RRAGD: variants seen among roughly 807,000 people sequenced by gnomAD.
RRAGD encodes the protein Ras related GTP binding D.
RRAGD carries 12 observed loss-of-function variants against 35.5 expected under a neutral mutation model. The ratio of observed to expected loss-of-function variants is 0.34; its 90% CI spans 0.22 to 0.55. The LOEUF is 0.55. Ranked by LOEUF, RRAGD falls within the 20% of genes least tolerant of loss-of-function variation. The pLI is 0.91. For synonymous variants in RRAGD, 155 were observed against 178.9 expected, an observed-to-expected ratio of 0.87 and a Z score of 1.07; for missense variants, 324 against 490.1, an observed-to-expected ratio of 0.66 and a Z score of 3.20.
rs1562439057 is a variant in RRAGD at position 89,366,941 on chromosome 6, G to A, written c.*1115C>T. 6.6e-6 allele frequency: 1 copy of A among 152,240 alleles called. No individual in the cohort carries two copies. Among genetic ancestry groups the A allele is most frequent in the African/African-American group, 2.4e-5 (1 of 41,436 alleles). 9.4% of individuals were successfully genotyped at this position (152,240 alleles called of 1,614,324 possible). On this transcript the variant is annotated 3_prime_UTR_variant, in exon 7 of 7. Transcript: ENST00000369415. ...TAAGGTGGGAACAAGTGGAGTACATGAGGCATGTTATCACCAGTGAGAAGG... is the reference window on the plus strand; with the variant it reads ...TAAGGTGGGAACAAGTGGAGTACATAAGGCATGTTATCACCAGTGAGAAGG...
intron 1 of RRAGD, among the ~76,000 whole-genome samples, chr6:89,390,688 A>G (rs1769217015): frequency 6.6e-6 from 1 of 152,192 alleles, no homozygotes; most frequent in Admixed American, 6.5e-5. Flanking sequence ...ACTTGAGGTC[A>G]GGAGTTTGAG....
In RRAGD at chr6:89,412,201, C is replaced by G; in HGVS notation, c.-208G>C. ...CCAGCGCGCCCGAAGCCCCCTCCCC[C>G]GCCCCGCCCGCCGGCGGAGGAGTCA... On this transcript the variant is annotated 5_prime_UTR_variant, in exon 1 of 7. Coordinates refer to ENST00000369415, the MANE Select transcript of RRAGD (RefSeq NM_021244.5). The surrounding 1 kb of genome is among the most constrained non-coding windows in gnomAD (Gnocchi z 4.2). The G allele has an allele frequency of 3.1e-6, 1 of 317,664 alleles. No homozygotes were observed. The highest frequency in any genetic ancestry group is 5.6e-6 in the Non-Finnish European group (1 of 178,420). The allele number at this position is 317,664 out of a possible 1,614,324, so 19.7% of individuals were successfully genotyped here.
chr6:89,408,483 G>A (rs1769629012), intron 1 of RRAGD, among the ~76,000 whole-genome samples: 1 of 152,114 alleles, frequency 6.6e-6, no homozygotes, highest in Admixed American at 6.5e-5. Flanking sequence ...GAGAGACCCA[G>A]TCCCTTCCCC....
chr6:89,404,887 T>C (rs1769546726), intron 1 of RRAGD, among the ~76,000 whole-genome samples: 1 of 152,148 alleles, frequency 6.6e-6, no homozygotes, highest in African/African-American at 2.4e-5. Context: ...GCTCTTAAGG[T>C]TGGCCCTGCC....
intron 4 of RRAGD, among the ~76,000 whole-genome samples, chr6:89,378,496 G>C (rs1386435309): frequency 6.6e-6 from 1 of 152,190 alleles, no homozygotes; most frequent in Admixed American, 6.5e-5. Flanking sequence ...TAGTGACAGA[G>C]TAAACGTGAG....
At chr6:89,408,383 G>A (rs560794522) in intron 1 of RRAGD, among the ~76,000 whole-genome samples, 2 of 152,274 alleles carry the variant, frequency 1.3e-5, no homozygotes, top group Admixed American at 6.5e-5. Context: ...GCCATGCACA[G>A]TCATGCATGC....
At chr6:89,368,246 G>GAA in intron 6 of RRAGD, 39 bp from the exon 7 acceptor site, 2 of 1,586,738 alleles carry the variant, frequency 1.3e-6, no homozygotes, top group Non-Finnish European at 1.7e-6. Context: ...ATGTCACGTA[G>GAA]AAATAATCTC....
intron 2 of RRAGD, among the ~76,000 whole-genome samples, chr6:89,382,940 T>C (rs1769074088): frequency 6.6e-6 from 1 of 152,152 alleles, no homozygotes; most frequent in East Asian, 1.9e-4. Flanking sequence ...GTCAGCAGAT[T>C]AAGCATTAAA....
chr6:89,411,985 C>T lies in RRAGD; in HGVS notation c.9G>A (p.Gln3=). 2.0e-6 allele frequency: 3 copies of T among 1,532,730 alleles called. No homozygotes were observed. The highest frequency in any genetic ancestry group is 2.6e-6 in the Non-Finnish European group (3 of 1,144,572). 94.9% of individuals were successfully genotyped at this position (1,532,730 alleles called of 1,614,324 possible). The change falls in exon 1 of 7, where the codon CAG becomes CAA. Residue 3 remains glutamine, a synonymous_variant. Transcript: ENST00000369415. The surrounding 1 kb of genome is among the most constrained non-coding windows in gnomAD (Gnocchi z 5.6). ...CCTGCGGCTGCGGCTTCCCCAGCACCTGGCTCATCGTGCCCACCGGCCGGC... is the reference window on the plus strand; with the variant it reads ...CCTGCGGCTGCGGCTTCCCCAGCACTTGGCTCATCGTGCCCACCGGCCGGC... The part of the protein sequence containing the change: MS[Q]VLGKPQPQDE...
intron 1 of RRAGD, among the ~76,000 whole-genome samples, chr6:89,403,923 GT>G (rs1769529765): frequency 6.6e-6 from 1 of 152,142 alleles, no homozygotes; most frequent in Admixed American, 6.5e-5. Context: ...ATCCCAAAGT[GT>G]TGGGATTACA....
At chr6:89,383,239 G>A (rs556831590) in intron 2 of RRAGD, among the ~76,000 whole-genome samples, 153 of 152,300 alleles carry the variant, frequency 1.0e-3, no homozygotes, top group African/African-American at 3.5e-3. Context: ...AACTGAGGAG[G>A]GGAGTTAAGG....
intron 1 of RRAGD, among the ~76,000 whole-genome samples, chr6:89,388,245 C>A (rs1359447030): frequency 1.3e-5 from 2 of 152,046 alleles, no homozygotes; most frequent in African/African-American, 4.8e-5. Flanking sequence ...AAATTAAAAT[C>A]GATTAAAATT....
rs1179296700 is a variant in RRAGD at position 89,411,613 on chromosome 6, TC to T, written c.148+232del. The T allele has an allele frequency of 1.8e-6, 1 of 559,498 alleles. No homozygotes were observed. The highest frequency in any genetic ancestry group is 3.2e-6 in the Non-Finnish European group (1 of 316,938). 34.7% of individuals were successfully genotyped at this position (559,498 alleles called of 1,614,324 possible). On this transcript the variant is annotated intron_variant, in intron 1 of 6. Coordinates refer to ENST00000369415, the MANE Select transcript of RRAGD (RefSeq NM_021244.5). The surrounding 1 kb of genome is among the most constrained non-coding windows in gnomAD (Gnocchi z 5.6). ...TCCTCCAGCCCAGACGCTTACTCCC[TC>T]CTTCCCCTTTTCCACCGATCCTGGT... is the stretch of plus-strand genomic sequence containing the variant.
intron 1 of RRAGD, among the ~76,000 whole-genome samples, chr6:89,410,821 A>G (rs1483074592): frequency 2.0e-5 from 3 of 152,240 alleles, no homozygotes. Flanking sequence ...TTAAAAATCA[A>G]TAGTCACAAA....
intron 1 of RRAGD, among the ~76,000 whole-genome samples, chr6:89,409,328 G>A (rs1044150832): frequency 3.9e-5 from 6 of 152,022 alleles, no homozygotes; most frequent in African/African-American, 1.5e-4. Context: ...CCACCCACCA[G>A]GGTAGATTTC....
chr6:89,409,898 A>T, intron 1 of RRAGD, among the ~76,000 whole-genome samples: 1 of 152,246 alleles, frequency 6.6e-6, no homozygotes, highest in East Asian at 1.9e-4. Flanking sequence ...CCGAGCAAAC[A>T]TGTTGCTCTT....
chr6:89,381,502 C>CT (rs1187932755), intron 2 of RRAGD, among the ~76,000 whole-genome samples: 2 of 152,214 alleles, frequency 1.3e-5, no homozygotes, highest in African/African-American at 4.8e-5. Flanking sequence ...CCCTCATCCT[C>CT]TAGAGACAAC....
intron 3 of RRAGD, 73 bp from the exon 4 acceptor site, chr6:89,379,411 C>T: frequency 1.4e-6 from 1 of 708,274 alleles, no homozygotes; most frequent in South Asian, 1.8e-5. Context: ...TATGTCAAAA[C>T]ACCGGTAATC....
intron 1 of RRAGD, among the ~76,000 whole-genome samples, chr6:89,403,830 G>C (rs879713313): frequency 1.3e-5 from 2 of 151,688 alleles, no homozygotes; most frequent in Admixed American, 1.3e-4. Flanking sequence ...TTTTGTTGGG[G>C]GATGGTGGTT....
Sources: allele counts gnomAD v4.1 joint callset (sites outside exome capture counted in the v4.1 genomes callset), GRCh38; gene constraint gnomAD v4.1.1; non-coding constraint Gnocchi (gnomAD v3.1); transcripts MANE v1.5; gene names NCBI Gene and HGNC (gene_info 2026-07-23, HGNC 2026-07-21).